The following TSR3 variants were observed in gnomAD, a reference collection of about 807,000 sequenced individuals.
TSR3 encodes the protein TSR3 ribosome maturation factor.
Under a neutral mutation model 28.1 loss-of-function variants are expected in TSR3, and 31 were observed. That is an observed-to-expected ratio of 1.10 (90% confidence interval 0.83 to 1.49). The LOEUF (loss-of-function observed/expected upper bound fraction) is 1.49. TSR3 is among the 40% of genes most tolerant of loss of function. The pLI is 0.00. For synonymous variants in TSR3, 219 were observed against 197.2 expected, an observed-to-expected ratio of 1.11 and a Z score of -0.93; for missense variants, 511 against 444.0, an observed-to-expected ratio of 1.15 and a Z score of -1.36.
intron 3 of TSR3, among the ~76,000 whole-genome samples, 164 bp from the exon 4 acceptor site, chr16:1,350,398 C>T (rs1287567118): frequency 6.6e-6 from 1 of 152,182 alleles, no homozygotes; most frequent in Non-Finnish European, 1.5e-5. Context: ...GCCTGCACCT[C>T]CCTTGCTACA....
In TSR3 at chr16:1,351,560, G is replaced by A. The variant is rs1010066590; in HGVS notation, c.151C>T (p.Pro51Ser). 4.1e-6 allele frequency: 6 copies of A among 1,475,824 alleles called. No individual in the cohort carries two copies. Among genetic ancestry groups the A allele is most frequent in the Admixed American group, 2.5e-5 (1 of 39,952 alleles). The allele number at this position is 1,475,824 out of a possible 1,614,324, so 91.4% of individuals were successfully genotyped here. The change falls in exon 2 of 6, where the codon CCG becomes TCG. Residue 51 changes from proline to serine, a missense_variant. Physicochemically the swap from Pro to Ser is moderately conservative, Grantham distance 74. Coordinates refer to ENST00000007390, the MANE Select transcript of TSR3 (RefSeq NM_001001410.3). ...EPGAADGEGGPGPAALPCTLA... is the reference protein window; with the variant it reads ...EPGAADGEGGSGPAALPCTLA... ...GTGCAGGGCAGCGCCGCCGGGCCCGGGCCGCCCTCGCCGTCAGCCGCCCCT... is the reference window on the plus strand; with the variant it reads ...GTGCAGGGCAGCGCCGCCGGGCCCGAGCCGCCCTCGCCGTCAGCCGCCCCT...
In TSR3 at chr16:1,351,595, G is replaced by A; in HGVS notation, c.116C>T (p.Ser39Phe). 1 of 1,475,280 alleles carries A rather than the reference G, an allele frequency of 6.8e-7. No individual in the cohort carries two copies. Among genetic ancestry groups the A allele is most frequent in the Non-Finnish European group, 8.9e-7 (1 of 1,122,028 alleles). 91.4% of individuals were successfully genotyped at this position (1,475,280 alleles called of 1,614,324 possible). A position where few individuals can be genotyped will look rare whatever the true frequency, so the allele number is the denominator to read the frequency against. ...AEEVGAALQA[S>F]VEPGAADGEG... is the part of the protein sequence containing the mutation. Reference sequence around the variant, plus strand: ...GCCGTCAGCCGCCCCTGGCTCCACGGAAGCTGCACGAGAGAGAGAAGGGCA... The same window carrying A: ...GCCGTCAGCCGCCCCTGGCTCCACGAAAGCTGCACGAGAGAGAGAAGGGCA... Residue 39 changes from serine to phenylalanine, a missense_variant, in exon 2 of 6, where the codon TCC (serine) becomes TTC (phenylalanine). Coordinates refer to ENST00000007390, the MANE Select transcript of TSR3 (RefSeq NM_001001410.3).
At position 1,351,325 on chromosome 16, in the gene TSR3, A is replaced by G. The variant is rs904093028; in HGVS notation, c.332+54T>C. The G allele has an allele frequency of 1.2e-5, 18 of 1,529,452 alleles. No individual in the cohort carries two copies. The African/African-American group carries it at 1.2e-4, about 11-fold the overall frequency. The allele number at this position is 1,529,452 out of a possible 1,614,324, so 94.7% of individuals were successfully genotyped here. On this transcript the variant is annotated intron_variant, in intron 2 of 5. Transcript: ENST00000007390. ...ACAAGTGCCACTAAACCATCCCTGA[A>G]GGGAACCACGCGCTGGAAATGAAGA...
At chr16:1,349,787 T>C in intron 5 of TSR3, 102 bp downstream of exon 5, 1 of 1,451,498 alleles carries the variant, frequency 6.9e-7, no homozygotes, top group Non-Finnish European at 9.5e-7. Flanking sequence ...ACCATCGGGG[T>C]GTTGTTTACA....
rs149957870 is a variant in TSR3, at chr16:1,349,451, G to A, written c.925C>T (p.Arg309Trp). Residue 309 changes from arginine (R) to tryptophan (W), a missense_variant, in exon 6 of 6, where the codon CGG becomes TGG. Transcript: ENST00000007390. ...PAEVWKGIKK[R>W]QRD is the part of the protein sequence containing the mutation. Reference sequence around the variant, plus strand: ...GTCTGCAACCCTCAGTCTCTCTGCCGTTTCTTGATTCCTTTCCAAACCTCA... The same window carrying A: ...GTCTGCAACCCTCAGTCTCTCTGCCATTTCTTGATTCCTTTCCAAACCTCA... The A allele has an allele frequency of 1.2e-4, 188 of 1,613,526 alleles. No homozygotes were observed. Among genetic ancestry groups the A allele is most frequent in the East Asian group, 7.8e-4 (35 of 44,884 alleles).
Position 1,351,387 on chromosome 16 carries a change from G to A in TSR3, c.324C>T (p.Pro108=). ...LSPVGKQYAS[P]ADRQLVAQSG... ...AGGCCTCCCGCGCCTACCTGTCTGC[G>A]GGGGACGCGTACTGCTTGCCCACGG... The change falls in exon 2 of 6, where the codon CCC becomes CCT. Residue 108 remains proline, a synonymous_variant. Coordinates refer to ENST00000007390, the MANE Select transcript of TSR3 (RefSeq NM_001001410.3). The A allele has an allele frequency of 1.3e-6, 2 of 1,585,682 alleles. No individual in the cohort carries two copies. The highest frequency in any genetic ancestry group is 1.1e-5 in the South Asian group (1 of 89,720).
chr16:1,350,339 G>A, intron 3 of TSR3, 105 bp from the exon 4 acceptor site: 4 of 1,268,840 alleles, frequency 3.2e-6, no homozygotes, highest in Non-Finnish European at 4.3e-6. Flanking sequence ...TAACCGCAGG[G>A]TCCCCAGCAA....
In TSR3 at chr16:1,350,236, T is replaced by C; in HGVS notation, c.527-2A>G. 2.5e-6 allele frequency: 4 copies of C among 1,582,780 alleles called. No homozygotes were observed. Among genetic ancestry groups the C allele is most frequent in the Non-Finnish European group, 3.4e-6 (4 of 1,168,924 alleles). ...AAATGACAGCAAGGTCTGGAAAGCC[T>C]GACGGTGTGAGAAACAGGAAACCCA... On this transcript the variant is annotated splice_acceptor_variant, in intron 3 of 5. Coordinates refer to ENST00000007390, the MANE Select transcript of TSR3 (RefSeq NM_001001410.3). LOFTEE classifies it high-confidence loss of function.
rs1235919013 is a variant in TSR3, at chr16:1,351,363, G to C, written c.332+16C>G. On this transcript the variant is annotated intron_variant, in intron 2 of 5. Transcript: ENST00000007390. ...CTGGAAATGAAGACGACCTCGGGCA[G>C]GCCTCCCGCGCCTACCTGTCTGCGG... 1 of 1,569,382 alleles carries C rather than the reference G, an allele frequency of 6.4e-7. No homozygotes were observed. Among genetic ancestry groups the C allele is most frequent in the Non-Finnish European group, 8.6e-7 (1 of 1,165,906 alleles).
chr16:1,349,529 AGCT>A lies in TSR3; in HGVS notation c.844_846del (p.Ser282del), dbSNP rs2034607548. On this transcript the variant is annotated inframe_deletion, in exon 6 of 6. Coordinates refer to ENST00000007390, the MANE Select transcript of TSR3 (RefSeq NM_001001410.3). ...CCCTGCGTCTGCTCCTCTTCACAGC[AGCT>A]GCTGCTGGCTCCTCCGCGCTCGGCG... 1 of 1,613,218 alleles carries A rather than the reference AGCT, an allele frequency of 6.2e-7. No homozygotes were observed.
chr16:1,349,892 G>C lies in TSR3; in HGVS notation c.764C>G (p.Thr255Ser), dbSNP rs1248125084. The change falls in exon 5 of 6, where the codon ACC (threonine) becomes AGC (serine). Residue 255 changes from threonine to serine, a missense_variant. Coordinates refer to ENST00000007390, the MANE Select transcript of TSR3 (RefSeq NM_001001410.3). ...FGNPNRPVAS[T>S]RLPSDTDDSD... ...GAAATTAAGCCCAAGGACCTACCGGGTGCTGGCCACAGGCCTGTTGGGGTT... is the reference window on the plus strand; with the variant it reads ...GAAATTAAGCCCAAGGACCTACCGGCTGCTGGCCACAGGCCTGTTGGGGTT... 1.2e-6 allele frequency: 2 copies of C among 1,613,740 alleles called. No homozygotes were observed. The highest frequency in any genetic ancestry group is 1.7e-6 in the Non-Finnish European group (2 of 1,180,008).
rs1377379057 is a variant in TSR3 at position 1,349,485 on chromosome 16, C to A, written c.891G>T (p.Arg297Ser). ...EQTQGRGAEA[R>S]APAEVWKGIK... Reference sequence around the variant, plus strand: ...TTCCTTTCCAAACCTCAGCCGGGGCCCTGGCCTCAGCCCCCCGTCCCTGCG... The same window carrying A: ...TTCCTTTCCAAACCTCAGCCGGGGCACTGGCCTCAGCCCCCCGTCCCTGCG... The change falls in exon 6 of 6, where the codon AGG becomes AGT. Residue 297 changes from arginine (R) to serine (S), a missense_variant. Coordinates refer to ENST00000007390, the MANE Select transcript of TSR3 (RefSeq NM_001001410.3). The A allele has an allele frequency of 6.2e-7, 1 of 1,613,780 alleles. No individual in the cohort carries two copies.
chr16:1,350,703 C>T, intron 3 of TSR3, 104 bp downstream of exon 3: 1 of 1,337,310 alleles, frequency 7.5e-7, no homozygotes, highest in Non-Finnish European at 1.0e-6. Context: ...CCCTGTCCGT[C>T]CCTTATGCTC....
intron 5 of TSR3, 56 bp from the exon 6 acceptor site, chr16:1,349,664 TCAA>T: frequency 1.3e-6 from 2 of 1,534,280 alleles, no homozygotes; most frequent in South Asian, 1.3e-5. Flanking sequence ...CTAGCTGGAG[TCAA>T]CGTCATCCAC....
At position 1,349,660 on chromosome 16, in the gene TSR3, G is replaced by A. The variant is rs769828743; in HGVS notation, c.768-52C>T. The A allele has an allele frequency of 1.6e-5, 25 of 1,540,586 alleles. No homozygotes were observed. The African/African-American group carries it at 3.3e-4, about 20-fold the overall frequency. ...CAAATGACGTCCTCCCTGGCTAGCT[G>A]GAGTCAACGTCATCCACAAAAAGCC... On this transcript the variant is annotated intron_variant, in intron 5 of 5. Transcript: ENST00000007390.
intron 5 of TSR3, 93 bp from the exon 6 acceptor site, chr16:1,349,701 A>C: frequency 6.9e-7 from 1 of 1,455,904 alleles, no homozygotes; most frequent in Non-Finnish European, 9.2e-7. Context: ...CCGAGGACAG[A>C]TTCCTCTTCC....
chr16:1,350,794 C>A lies in TSR3; in HGVS notation c.526+13G>T, dbSNP rs373831657. ...GCCGCCGGGTCACACTGCTGTGGGGCCCCTGGACTCACCTACGATGCAGAA... is the reference window on the plus strand; with the variant it reads ...GCCGCCGGGTCACACTGCTGTGGGGACCCTGGACTCACCTACGATGCAGAA... On this transcript the variant is annotated intron_variant, in intron 3 of 5. Coordinates refer to ENST00000007390, the MANE Select transcript of TSR3 (RefSeq NM_001001410.3). The A allele has an allele frequency of 6.2e-7, 1 of 1,609,858 alleles. No homozygotes were observed. The highest frequency in any genetic ancestry group is 1.3e-5 in the African/African-American group (1 of 75,018).
In TSR3 at chr16:1,351,008, G is replaced by A; in HGVS notation, c.333-8C>T. 2 of 1,610,514 alleles carry A rather than the reference G, an allele frequency of 1.2e-6. No homozygotes were observed. Among genetic ancestry groups the A allele is most frequent in the South Asian group, 2.2e-5 (2 of 90,958 alleles). ...GACTGCGCCACCAGCTGTCTGCCAG[G>A]GACAGCATGGGATAAGTTCAGGAGC... On this transcript the variant is annotated splice_polypyrimidine_tract_variant and splice_region_variant and intron_variant, in intron 2 of 5. Transcript: ENST00000007390.
chr16:1,351,823 C>G lies in TSR3; in HGVS notation c.-19G>C. The G allele has an allele frequency of 7.7e-7, 1 of 1,303,868 alleles. No homozygotes were observed. Among genetic ancestry groups the G allele is most frequent in the Non-Finnish European group, 9.7e-7 (1 of 1,031,246 alleles). The allele number at this position is 1,303,868 out of a possible 1,614,324, so 80.8% of individuals were successfully genotyped here. The stretch of plus-strand genomic sequence containing the variant: ...GGCCCATGGCGCGGACCTGGGGTGC[C>G]GGGGACTCCCCACCCCACGGCCGCG... On this transcript the variant is annotated 5_prime_UTR_variant, in exon 1 of 6. Transcript: ENST00000007390.
Sources: allele counts gnomAD v4.1 joint callset (sites outside exome capture counted in the v4.1 genomes callset), GRCh38; gene constraint gnomAD v4.1.1; transcripts MANE v1.5; gene names NCBI Gene and HGNC (gene_info 2026-07-23, HGNC 2026-07-21).